The following TSC22D1 variants were observed in gnomAD, a reference collection of about 807,000 sequenced individuals.
TSC22D1 encodes the protein TSC22 domain family protein 1.
TSC22D1 carries 9 observed loss-of-function variants against 74.2 expected under a neutral mutation model. The observed-to-expected ratio is 0.12, with a 90% CI of 0.07 to 0.21. TSC22D1 has a LOEUF of 0.21. Among genes scored for constraint, TSC22D1 ranks in the 10% least tolerant of loss-of-function variants. The probability of loss-of-function intolerance (pLI) is 1.00; values close to 1 mark genes in which losing one functional copy is unlikely to be tolerated. For missense variants in TSC22D1, 1,427 were observed against 1,304.7 expected (o/e 1.09, Z -1.44); for synonymous variants, 586 against 492.5 (o/e 1.19, Z -2.51).
rs1884178078 is a variant in TSC22D1 at position 44,575,770 on chromosome 13, C to A, written c.305G>T (p.Gly102Val). Residue 102 changes from glycine to valine, a missense_variant, in exon 1 of 3, where the codon GGA (glycine) becomes GTA (valine). Gly to Val is a moderately radical substitution (Grantham distance 109). Transcript: ENST00000458659. ...QLQAQPLAPG[G>V]TQMKKKSGFQ... ...GCCACTTTTCTTTTTCATTTGAGTT[C>A]CGCCTGGCGCAAGAGGCTGTGCCTG... 1 of 1,614,082 alleles carries A rather than the reference C, an allele frequency of 6.2e-7. No individual in the cohort carries two copies. Among genetic ancestry groups the A allele is most frequent in the South Asian group, 1.1e-5 (1 of 91,080 alleles).
intron 1 of TSC22D1, among the ~76,000 whole-genome samples, chr13:44,514,870 A>G (rs2152559): frequency 0.32 from 48,888 of 152,054 alleles, 8,500 homozygotes; most frequent in Non-Finnish European, 0.38. Flanking sequence ...AAAGAAAAAA[A>G]TAAATAAATA....
intron 1 of TSC22D1, among the ~76,000 whole-genome samples, chr13:44,569,881 C>T (rs909191323): frequency 6.6e-6 from 1 of 151,730 alleles, no homozygotes; most frequent in Non-Finnish European, 1.5e-5. Context: ...AAAAATAATT[C>T]ATCCCTGCCC....
chr13:44,555,972 G>A (rs950203029), intron 1 of TSC22D1, among the ~76,000 whole-genome samples: 13 of 152,034 alleles, frequency 8.6e-5, no homozygotes, highest in South Asian at 2.1e-4. Context: ...CGACTTGCAC[G>A]GGATGTGAAA....
intron 1 of TSC22D1, among the ~76,000 whole-genome samples, chr13:44,470,855 G>A (rs1382052880): frequency 6.6e-6 from 1 of 152,116 alleles, no homozygotes; most frequent in African/African-American, 2.4e-5. Flanking sequence ...AAGAGTCACG[G>A]TCCAGAGTCT....
rs183807415 is a variant in TSC22D1 at position 44,541,021 on chromosome 13, G to C, written c.2912+32142C>G. On this transcript the variant is annotated intron_variant, in intron 1 of 2. Coordinates refer to ENST00000458659, the MANE Select transcript of TSC22D1 (RefSeq NM_183422.4). ...TATTTCTAGGACATGTTATATTTTG[G>C]GATAAAGTTTTTATGAAATGCTATC... Among the ~76,000 whole-genome samples, 568 of 152,130 alleles carry C rather than the reference G, an allele frequency of 3.7e-3. 4 individuals are homozygous for C. The highest frequency in any genetic ancestry group is 0.013 in the African/African-American group (521 of 41,506).
chr13:44,480,180 T>C (rs1878112783), intron 1 of TSC22D1, among the ~76,000 whole-genome samples: 1 of 152,222 alleles, frequency 6.6e-6, no homozygotes, highest in South Asian at 2.1e-4. Flanking sequence ...TTCCTTTAAA[T>C]TGAGCAACTG....
At chr13:44,535,962 A>AT (rs918046051) in intron 1 of TSC22D1, among the ~76,000 whole-genome samples, 4 of 151,750 alleles carry the variant, frequency 2.6e-5, no homozygotes, top group East Asian at 1.9e-4. Context: ...AAGCTTATAG[A>AT]TTTTTTTTAT....
At chr13:44,453,930 G>T (rs1317706186) in intron 1 of TSC22D1, among the ~76,000 whole-genome samples, 1 of 152,112 alleles carries the variant, frequency 6.6e-6, no homozygotes, top group Admixed American at 6.5e-5. Context: ...AATTTAGTCT[G>T]GTGTAGAGGG....
At chr13:44,520,591 T>A (rs1880264644) in intron 1 of TSC22D1, among the ~76,000 whole-genome samples, 1 of 152,068 alleles carries the variant, frequency 6.6e-6, no homozygotes, top group African/African-American at 2.4e-5. Flanking sequence ...AAGGATCTAG[T>A]TGAAAGGAAA....
intron 1 of TSC22D1, among the ~76,000 whole-genome samples, chr13:44,519,493 C>A (rs552736718): frequency 6.6e-6 from 1 of 152,164 alleles, no homozygotes; most frequent in South Asian, 2.1e-4. Context: ...ATGATCTCAC[C>A]TATTCAAGAA....
chr13:44,574,824 C>T lies in TSC22D1; in HGVS notation c.1251G>A (p.Glu417=), dbSNP rs763658717. The T allele has an allele frequency of 5.9e-5, 96 of 1,613,966 alleles. No individual in the cohort carries two copies. The highest frequency in any genetic ancestry group is 8.0e-5 in the Non-Finnish European group (94 of 1,180,026). Residue 417 remains glutamate, a synonymous_variant, in exon 1 of 3, where the codon GAG becomes GAA. Transcript: ENST00000458659. Reference sequence around the variant, plus strand: ...AAGTCCATCTACCTTTTTTAAAGGGCTCAGAACTAGAATCTAACTTCACAA... The same window carrying T: ...AAGTCCATCTACCTTTTTTAAAGGGTTCAGAACTAGAATCTAACTTCACAA... ...FRVVKLDSSS[E]PFKKGRWTCT... is the part of the protein sequence containing the mutation.
chr13:44,500,529 CT>C (rs1445634103), intron 1 of TSC22D1, among the ~76,000 whole-genome samples: 3 of 152,178 alleles, frequency 2.0e-5, no homozygotes, highest in Non-Finnish European at 4.4e-5. Flanking sequence ...AATAATGTCA[CT>C]GCCTAAATTT....
chr13:44,475,173 T>C (rs1009253685), intron 1 of TSC22D1, among the ~76,000 whole-genome samples: 14 of 152,112 alleles, frequency 9.2e-5, no homozygotes, highest in African/African-American at 3.4e-4. Flanking sequence ...TAAGTAAATA[T>C]ACAAGTTGGA....
At chr13:44,534,229 G>GA (rs1425902665) in intron 1 of TSC22D1, among the ~76,000 whole-genome samples, 41 of 126,686 alleles carry the variant, frequency 3.2e-4, no homozygotes, top group African/African-American at 1.3e-3. Flanking sequence ...CTGTCTCAAG[G>GA]AGAAAAAAAA....
chr13:44,446,787 G>A lies in TSC22D1; in HGVS notation c.2913-10692C>T, dbSNP rs377650489. On this transcript the variant is annotated intron_variant, in intron 1 of 2. Coordinates refer to ENST00000458659, the MANE Select transcript of TSC22D1 (RefSeq NM_183422.4). Reference sequence around the variant, plus strand: ...AAGAAGAGGAAGAAGAGGAAGAAGAGGAGGAGGAGGAGGAAAAGGAGGAGG... The same window carrying A: ...AAGAAGAGGAAGAAGAGGAAGAAGAAGAGGAGGAGGAGGAAAAGGAGGAGG... Among the ~76,000 whole-genome samples the A allele has an allele frequency of 3.0e-3, 331 of 109,840 alleles. 1 individual carries two copies. Among genetic ancestry groups the A allele is most frequent in the South Asian group, 0.014 (50 of 3,566 alleles). 72.1% of individuals were successfully genotyped at this position (109,840 alleles called of 152,430 possible). A position where few individuals can be genotyped will look rare whatever the true frequency, so the allele number is the denominator to read the frequency against.
chr13:44,457,944 G>A (rs1005487149), intron 1 of TSC22D1, among the ~76,000 whole-genome samples: 1 of 152,198 alleles, frequency 6.6e-6, no homozygotes, highest in Non-Finnish European at 1.5e-5. Flanking sequence ...ACATACATCA[G>A]ATCTGTCAAC....
rs925395417 is a variant in TSC22D1, at chr13:44,542,278, G to A, written c.2912+30885C>T. On this transcript the variant is annotated intron_variant, in intron 1 of 2. Coordinates refer to ENST00000458659, the MANE Select transcript of TSC22D1 (RefSeq NM_183422.4). ...CATTTTGATATAGGAAATACACCTC[G>A]TAATTTTCATTTTTAAGTTTACAGG... Among the ~76,000 whole-genome samples, 20 of 151,886 alleles carry A rather than the reference G, an allele frequency of 1.3e-4. No individual in the cohort carries two copies. In the East Asian group the frequency reaches 3.3e-3, roughly 25 times the overall value.
chr13:44,516,545 A>C (rs1879993630), intron 1 of TSC22D1, among the ~76,000 whole-genome samples: 1 of 152,126 alleles, frequency 6.6e-6, no homozygotes, highest in African/African-American at 2.4e-5. Context: ...TTCAAAGCAC[A>C]CCAGTGACTG....
intron 1 of TSC22D1, chr13:44,538,725 T>TG (rs1881296178): frequency 1.0e-6 from 1 of 985,254 alleles, no homozygotes; most frequent in East Asian, 1.1e-4. Flanking sequence ...CAAGATCAGG[T>TG]GGCTGGCTCA....
Sources: allele counts gnomAD v4.1 joint callset (sites outside exome capture counted in the v4.1 genomes callset), GRCh38; gene constraint gnomAD v4.1.1; transcripts MANE v1.5; gene names NCBI Gene and HGNC (gene_info 2026-07-23, HGNC 2026-07-21).